Variants in MID2 observed in about 807,000 individuals in gnomAD.
MID2 encodes midline 2, also known as probable E3 ubiquitin-protein ligase MID2.
A neutral mutation model predicts 46.1 loss-of-function variants in MID2; 13 were observed. That is an observed-to-expected ratio of 0.28 (90% CI 0.18 to 0.45). The LOEUF is 0.45. Among genes scored for constraint, MID2 ranks in the 20% least tolerant of loss-of-function variants. The pLI is 1.00. For missense variants in MID2, 431 were observed against 575.4 expected (o/e 0.75, Z 2.57); for synonymous variants, 199 against 212.3 (o/e 0.94, Z 0.55).
intron 3 of MID2, among the ~76,000 whole-genome samples, chrX:107,878,904 T>C (rs1397047632): frequency 8.9e-6 from 1 of 112,186 alleles, no homozygotes; most frequent in East Asian, 2.8e-4. Context: ...CTGACCCCTT[T>C]GCAGGCAGGA....
At chrX:107,897,916 A>G (rs189383550) in intron 3 of MID2, among the ~76,000 whole-genome samples, 1 of 112,366 alleles carries the variant, frequency 8.9e-6, no homozygotes, top group Admixed American at 9.4e-5. Flanking sequence ...ATAATTCATC[A>G]GATGTCCAAT....
chrX:107,866,757 A>T (rs1931967618), intron 3 of MID2, among the ~76,000 whole-genome samples: 1 of 112,348 alleles, frequency 8.9e-6, no homozygotes, highest in Admixed American at 9.4e-5. Context: ...CTGTGTGACA[A>T]TAACTGTAAG....
At position 107,888,893 on chromosome X, in the gene MID2, G is replaced by T. The variant is rs750215573; in HGVS notation, c.817-15065G>T. ...TGTAATGGCCTTCTTTGTCTCTTTT[G>T]ATCTTTTTGTTGGTTTAAAGTCTGT... is the stretch of plus-strand genomic sequence containing the variant. On this transcript the variant is annotated intron_variant, in intron 3 of 9. Transcript: ENST00000262843. Among the ~76,000 whole-genome samples the T allele has an allele frequency of 6.6e-4, 74 of 111,350 alleles. No homozygotes were observed. In the Middle Eastern group the frequency reaches 0.033, roughly 49 times the overall value.
intron 3 of MID2, among the ~76,000 whole-genome samples, chrX:107,888,547 A>G (rs925293940): frequency 8.0e-5 from 9 of 111,916 alleles, no homozygotes; most frequent in Non-Finnish European, 1.1e-4. Context: ...ACTGTGGTCA[A>G]TTTTGGAATA....
At chrX:107,870,941 A>G (rs1018765793) in intron 3 of MID2, among the ~76,000 whole-genome samples, 2 of 110,180 alleles carry the variant, frequency 1.8e-5, no homozygotes, top group Non-Finnish European at 3.8e-5. Context: ...ATCCCTTGTA[A>G]GTTAGTTTCA....
At chrX:107,828,280 C>CTCTTTTCTTT (rs376051001) in intron 1 of MID2, among the ~76,000 whole-genome samples, 2 of 106,088 alleles carry the variant, frequency 1.9e-5, no homozygotes, top group African/African-American at 7.3e-5. Context: ...CCAATTAAAC[C>CTCTTTTCTTT]TCTTTTCTTT....
chrX:107,882,273 A>C (rs1461063812), intron 3 of MID2, among the ~76,000 whole-genome samples: 2 of 112,076 alleles, frequency 1.8e-5, no homozygotes, highest in Non-Finnish European at 3.8e-5. Flanking sequence ...CCTAGGCAAT[A>C]CCATTCAGGA....
At chrX:107,875,593 G>C (rs1166324150) in intron 3 of MID2, among the ~76,000 whole-genome samples, 1 of 111,262 alleles carries the variant, frequency 9.0e-6, no homozygotes, top group African/African-American at 3.3e-5. Flanking sequence ...CTTCACTAGG[G>C]GGAGACAAAT....
At chrX:107,878,926 G>A (rs1351914846) in intron 3 of MID2, among the ~76,000 whole-genome samples, 1 of 112,134 alleles carries the variant, frequency 8.9e-6, no homozygotes, top group Admixed American at 9.4e-5. Flanking sequence ...CTCGAGTGCA[G>A]GGGTGCTAGA....
Position 107,840,566 on chromosome X carries a change from T to C in MID2, c.5-104T>C. 3 of 641,125 alleles carry C rather than the reference T, an allele frequency of 4.7e-6. No individual in the cohort carries two copies. The South Asian group carries it at 8.3e-5, about 18-fold the overall frequency. 52.8% of individuals were successfully genotyped at this position (641,125 alleles called of 1,213,427 possible). A position where few individuals can be genotyped will look rare whatever the true frequency, so the allele number is the denominator to read the frequency against. On this transcript the variant is annotated intron_variant, in intron 1 of 9. Transcript: ENST00000262843. ...TGCTTTTCTATTGCTTAAGCATCTC[T>C]GGGGAATCCAGCACGTAAACGCGCC...
rs1325929241 is a variant in MID2, at chrX:107,857,345, A to G, written c.816+2641A>G. On this transcript the variant is annotated intron_variant, in intron 3 of 9. Transcript: ENST00000262843. ...GCCCAGGCTAGAGTGCAGTGGCACA[A>G]TCTCGGCTCACTGCAACCTCTGCCT... is the stretch of plus-strand genomic sequence containing the variant. Among the ~76,000 whole-genome samples the G allele has an allele frequency of 3.7e-5, 4 of 108,175 alleles. No individual in the cohort carries two copies. The South Asian group carries it at 1.3e-3, about 35-fold the overall frequency. The allele number at this position is 108,175 out of a possible 115,157, so 93.9% of individuals were successfully genotyped here. A position where few individuals can be genotyped will look rare whatever the true frequency, so the allele number is the denominator to read the frequency against.
chrX:107,842,495 A>G (rs944220918), intron 2 of MID2, among the ~76,000 whole-genome samples: 2 of 112,342 alleles, frequency 1.8e-5, no homozygotes, highest in African/African-American at 6.5e-5. Flanking sequence ...AAGGAGGGCA[A>G]GAAGGGAATG....
At chrX:107,826,466 G>A in intron 1 of MID2, 36 bp downstream of exon 1, 4 of 1,128,568 alleles carry the variant, frequency 3.5e-6, no homozygotes, top group South Asian at 2.0e-5. Context: ...CCTGGAGGTC[G>A]AGCGTCGTAG....
intron 3 of MID2, chrX:107,901,352 C>T (rs1932793226): frequency 9.0e-6 from 1 of 111,231 alleles, no homozygotes; most frequent in African/African-American, 3.3e-5. Context: ...GTTTACTGAA[C>T]CTGAGTAACT....
intron 7 of MID2, among the ~76,000 whole-genome samples, chrX:107,922,813 AT>A (rs932324773): frequency 2.7e-5 from 3 of 110,018 alleles, no homozygotes; most frequent in Non-Finnish European, 3.8e-5. Context: ...TCTTTTCCTC[AT>A]TTTTTTCACA....
rs751671532 is a variant in MID2, at chrX:107,854,590, A to G, written c.721-19A>G. ...CTCTTCTCGGTTCCCCTCTGGATTC[A>G]TACCCTCTGCGATGACAGCAAACTC... On this transcript the variant is annotated intron_variant, in intron 2 of 9. Coordinates refer to ENST00000262843, the MANE Select transcript of MID2 (RefSeq NM_012216.4). The G allele has an allele frequency of 1.7e-6, 2 of 1,165,198 alleles. No homozygotes were observed. Among genetic ancestry groups the G allele is most frequent in the Admixed American group, 2.2e-5 (1 of 45,728 alleles).
At chrX:107,887,163 G>A (rs1932472084) in intron 3 of MID2, among the ~76,000 whole-genome samples, 1 of 111,529 alleles carries the variant, frequency 9.0e-6, no homozygotes, top group African/African-American at 3.3e-5. Context: ...ACACTGTGTT[G>A]AATAGGAGTG....
Position 107,840,917 on chromosome X carries a change from G to A in MID2, c.252G>A (p.Ser84=), listed in dbSNP as rs762684392. 8 of 1,210,986 alleles carry A rather than the reference G, an allele frequency of 6.6e-6. No individual in the cohort carries two copies. The South Asian group carries it at 1.2e-4, about 19-fold the overall frequency. Residue 84 remains serine (S), a synonymous_variant, in exon 2 of 10, where the codon TCG becomes TCA. Transcript: ENST00000262843. Reference sequence around the variant, plus strand: ...GTCCTACCTGCAGGTATGTTATCTCGCTGAACCACCGGGGCCTGGATGGCC... The same window carrying A: ...GTCCTACCTGCAGGTATGTTATCTCACTGAACCACCGGGGCCTGGATGGCC... ...FQCPTCRYVI[S]LNHRGLDGLK...
intron 3 of MID2, among the ~76,000 whole-genome samples, chrX:107,877,506 C>A (rs1932226374): frequency 1.8e-5 from 2 of 112,005 alleles, no homozygotes; most frequent in African/African-American, 6.5e-5. Context: ...GAAAGTGAAC[C>A]TCCTCCTTTT....
Sources: allele counts gnomAD v4.1 joint callset (sites outside exome capture counted in the v4.1 genomes callset), GRCh38; gene constraint gnomAD v4.1.1; transcripts MANE v1.5; gene names NCBI Gene and HGNC (gene_info 2026-07-23, HGNC 2026-07-21).